UGT8: variants seen among roughly 807,000 people sequenced by gnomAD.
UGT8 encodes 2-hydroxyacylsphingosine 1-beta-galactosyltransferase.
In UGT8, 12 loss-of-function variants were observed where a neutral mutation model predicts 40.5. The ratio of observed to expected loss-of-function variants is 0.30; its 90% CI spans 0.19 to 0.48. The LOEUF is 0.48. Among genes scored for constraint, UGT8 ranks in the 20% least tolerant of loss-of-function variants. UGT8 has a pLI of 0.99. For missense variants in UGT8, 513 were observed against 648.7 expected (o/e 0.79, Z 2.27); for synonymous variants, 224 against 240.4 (o/e 0.93, Z 0.63).
At chr4:114,656,847 C>A (rs372234094) in intron 2 of UGT8, 50 of 511,146 alleles carry the variant, frequency 9.8e-5, no homozygotes, top group Non-Finnish European at 1.7e-4. Context: ...TTCCCCATAT[C>A]TACTTACTGT....
chr4:114,622,857 T>G lies in UGT8; in HGVS notation c.-2-22T>G, dbSNP rs185923113. 1,148 of 1,573,504 alleles carry G rather than the reference T, an allele frequency of 7.3e-4. 1 individual carries two copies. The highest frequency in any genetic ancestry group is 9.3e-4 in the Non-Finnish European group (1,073 of 1,157,726). ...GTGAGCATTGTATTTTGTTTTAAGT[T>G]GTTTTCTGGTTGTTATTACAGCTAT... On this transcript the variant is annotated intron_variant, in intron 1 of 5. Transcript: ENST00000310836.
intron 2 of UGT8, among the ~76,000 whole-genome samples, chr4:114,651,664 G>A (rs578166114): frequency 6.6e-6 from 1 of 152,068 alleles, no homozygotes; most frequent in Non-Finnish European, 1.5e-5. Context: ...ATTAGAAGTA[G>A]AGAATATTAA....
At chr4:114,621,661 A>G (rs1480168359) in intron 1 of UGT8, among the ~76,000 whole-genome samples, 1 of 152,208 alleles carries the variant, frequency 6.6e-6, no homozygotes, top group East Asian at 1.9e-4. Context: ...CAATTAGAAG[A>G]TGAACAGATG....
chr4:114,649,214 T>G (rs1483883133), intron 2 of UGT8, among the ~76,000 whole-genome samples: 1 of 152,138 alleles, frequency 6.6e-6, no homozygotes, highest in Non-Finnish European at 1.5e-5. Flanking sequence ...AGATTAGTAT[T>G]ATACTAATAA....
intron 2 of UGT8, among the ~76,000 whole-genome samples, chr4:114,661,366 G>A (rs1266763217): frequency 2.6e-5 from 4 of 151,812 alleles, no homozygotes; most frequent in African/African-American, 9.7e-5. Flanking sequence ...TTTATAACTG[G>A]GTCTTAAATT....
At chr4:114,606,863 G>A (rs192606208) in intron 1 of UGT8, among the ~76,000 whole-genome samples, 56 of 152,242 alleles carry the variant, frequency 3.7e-4, no homozygotes, top group African/African-American at 1.3e-3. Context: ...GGAAACCATG[G>A]TATTGATCTG....
chr4:114,606,819 T>C lies in UGT8; in HGVS notation c.-3+7845T>C, dbSNP rs186784112. Among the ~76,000 whole-genome samples, 7 of 152,288 alleles carry C rather than the reference T, an allele frequency of 4.6e-5. No individual in the cohort carries two copies. In the East Asian group the frequency reaches 1.3e-3, roughly 29 times the overall value. ...GAAAGAATAGTGTTTCAGTGTCATA[T>C]CTGGGCTTTATGTAAACTGGGTGTG... On this transcript the variant is annotated intron_variant, in intron 1 of 5. Coordinates refer to ENST00000310836, the MANE Select transcript of UGT8 (RefSeq NM_001128174.3).
intron 1 of UGT8, among the ~76,000 whole-genome samples, chr4:114,608,482 GT>G (rs970921707): frequency 6.6e-6 from 1 of 151,676 alleles, no homozygotes; most frequent in African/African-American, 2.4e-5. Context: ...TTTTCCTGTT[GT>G]TTTTTCCAGA....
At chr4:114,658,768 A>T (rs1190131477) in intron 2 of UGT8, among the ~76,000 whole-genome samples, 1 of 152,202 alleles carries the variant, frequency 6.6e-6, no homozygotes, top group African/African-American at 2.4e-5. Context: ...GCATTACCCA[A>T]TGAGTGTCTT....
intron 1 of UGT8, among the ~76,000 whole-genome samples, chr4:114,622,178 C>T (rs1731848374): frequency 6.9e-6 from 1 of 144,386 alleles, no homozygotes; most frequent in East Asian, 2.1e-4. Flanking sequence ...TTGTTCAATT[C>T]CCACCTATGA....
At chr4:114,614,936 A>G (rs1013461013) in intron 1 of UGT8, among the ~76,000 whole-genome samples, 3 of 148,476 alleles carry the variant, frequency 2.0e-5, no homozygotes, top group South Asian at 2.1e-4. Context: ...TCAAATCAGT[A>G]TGTTCCCATT....
At position 114,675,941 on chromosome 4, in the gene UGT8, CAGA is replaced by C; in HGVS notation, c.1282_1284del (p.Lys428del). On this transcript the variant is annotated inframe_deletion, in exon 6 of 6. Transcript: ENST00000310836. ...TCTCCATAGCTACCGTCAGAGGGCT[CAGA>C]AGCTTTCGGAAATTCACAAGGATCA... 1 of 1,613,400 alleles carries C rather than the reference CAGA, an allele frequency of 6.2e-7. No homozygotes were observed. Among genetic ancestry groups the C allele is most frequent in the Non-Finnish European group, 8.5e-7 (1 of 1,179,480 alleles).
rs535715881 is a variant in UGT8 at position 114,643,346 on chromosome 4, A to T, written c.822+19644A>T. 3.3e-5 allele frequency among the ~76,000 whole-genome samples: 5 copies of T among 152,308 alleles called. No homozygotes were observed. The East Asian group carries it at 9.6e-4, about 29-fold the overall frequency. On this transcript the variant is annotated intron_variant, in intron 2 of 5. Transcript: ENST00000310836. ...CACTTGAATTACAGTTGGGACTAAT[A>T]ATTAGGCAGGACTGTCCTTTAAAAA...
intron 3 of UGT8, among the ~76,000 whole-genome samples, chr4:114,665,161 A>G (rs1194117630): frequency 6.6e-6 from 1 of 152,206 alleles, no homozygotes; most frequent in African/African-American, 2.4e-5. Flanking sequence ...TCAGGCAGGA[A>G]ACAACCTAAT....
At chr4:114,598,540 T>C (rs1156902866), upstream of UGT8, 3 of 152,252 alleles carry the variant, frequency 2.0e-5, no homozygotes, top group Non-Finnish European at 4.4e-5. Context: ...CGAAGGCGCG[T>C]CTGCATCCAT....
At chr4:114,667,358 T>C (rs1239812426) in intron 4 of UGT8, among the ~76,000 whole-genome samples, 1 of 152,210 alleles carries the variant, frequency 6.6e-6, no homozygotes, top group Non-Finnish European at 1.5e-5. Flanking sequence ...TATGCCAACT[T>C]TTGATCCCTT....
intron 2 of UGT8, among the ~76,000 whole-genome samples, chr4:114,638,108 TA>T (rs1280743802): frequency 6.6e-6 from 1 of 152,160 alleles, no homozygotes; most frequent in Non-Finnish European, 1.5e-5. Flanking sequence ...CAGCAAAAAA[TA>T]CCCTTTTATC....
intron 2 of UGT8, among the ~76,000 whole-genome samples, chr4:114,632,853 A>G (rs1283360272): frequency 6.6e-6 from 1 of 152,234 alleles, no homozygotes; most frequent in East Asian, 1.9e-4. Context: ...AAGTCAATAC[A>G]GTTGCCTAAT....
At chr4:114,634,745 G>A (rs189879193) in intron 2 of UGT8, among the ~76,000 whole-genome samples, 1 of 152,200 alleles carries the variant, frequency 6.6e-6, no homozygotes, top group Non-Finnish European at 1.5e-5. Context: ...TGAATATCTA[G>A]TCCTTGACAA....
Sources: gnomAD v4.1 joint callset for allele counts (sites outside exome capture counted in the v4.1 genomes callset) on GRCh38, gnomAD v4.1.1 for gene constraint, MANE v1.5 for transcripts, NCBI Gene and HGNC (gene_info 2026-07-23, HGNC 2026-07-21) for gene names.